ZP3: variants seen among roughly 807,000 people sequenced by gnomAD.
ZP3 encodes the protein zona pellucida glycoprotein 3, also known as zona pellucida sperm-binding protein 3.
Under a neutral mutation model 35.6 loss-of-function variants are expected in ZP3, and 21 were observed. That is an observed-to-expected ratio of 0.59 (90% CI 0.42 to 0.85). The LOEUF (loss-of-function observed/expected upper bound fraction) is 0.85, where lower values mean the gene tolerates loss of function less well. Ranked by LOEUF, ZP3 falls within the 40% of genes least tolerant of loss-of-function variation. The pLI is 0.00. For synonymous variants in ZP3, 207 were observed against 214.5 expected (o/e 0.96, Z 0.31); for missense variants, 437 against 536.5 (o/e 0.81, Z 1.83).
At chr7:76,435,897 G>T (rs1459145770) in intron 5 of ZP3, among the ~76,000 whole-genome samples, 1 of 151,970 alleles carries the variant, frequency 6.6e-6, no homozygotes, top group Admixed American at 6.6e-5. Flanking sequence ...GCTAATCCTT[G>T]TATTTCTTAG....
chr7:76,437,790 C>T (rs1466368057), intron 5 of ZP3, among the ~76,000 whole-genome samples: 2 of 151,952 alleles, frequency 1.3e-5, no homozygotes, highest in Admixed American at 6.6e-5. Context: ...TGAGCCACCA[C>T]GCCCAGCCTA....
intron 1 of ZP3, among the ~76,000 whole-genome samples, chr7:76,405,301 A>ATATATATG (rs1804969882): frequency 2.2e-5 from 1 of 45,294 alleles, no homozygotes; most frequent in South Asian, 9.3e-4. Flanking sequence ...ATATATATAT[A>ATATATATG]TATATATATA....
In ZP3 at chr7:76,411,252, C is replaced by G. The variant is rs974599095; in HGVS notation, c.-67+13455C>G. Among the ~76,000 whole-genome samples, 3 of 151,990 alleles carry G rather than the reference C, an allele frequency of 2.0e-5. No homozygotes were observed. In the East Asian group the frequency reaches 5.8e-4, roughly 29 times the overall value. ...CCAATCAGATTTTTCGGTTCCTAAG[C>G]AAGCTCTCGTCTTTCCCATTAAAGC... On this transcript the variant is annotated intron_variant, in intron 1 of 8. Transcript: ENST00000336517.
intron 1 of ZP3, among the ~76,000 whole-genome samples, chr7:76,402,963 G>A (rs1418322062): frequency 2.6e-5 from 4 of 152,176 alleles, no homozygotes; most frequent in African/African-American, 4.8e-5. Context: ...CACTGCACCC[G>A]GCCTTCATTG....
At chr7:76,405,274 TATATATATATATATATATATA>T (rs1804964687) in intron 1 of ZP3, among the ~76,000 whole-genome samples, 9 of 21,248 alleles carry the variant, frequency 4.2e-4, no homozygotes, top group South Asian at 4.8e-3. Flanking sequence ...CAGCTAATTA[TATATATATATATATATATATA>T]TATATATATA....
intron 2 of ZP3, among the ~76,000 whole-genome samples, chr7:76,430,101 T>C (rs1267551240): frequency 6.6e-6 from 1 of 151,966 alleles, no homozygotes; most frequent in Non-Finnish European, 1.5e-5. Flanking sequence ...TCCCAGCTAC[T>C]TGGGAGGCTG....
At chr7:76,401,694 G>C (rs1804835187) in intron 1 of ZP3, among the ~76,000 whole-genome samples, 1 of 152,170 alleles carries the variant, frequency 6.6e-6, no homozygotes, top group Non-Finnish European at 1.5e-5. Flanking sequence ...TGGGATTATA[G>C]GTGTGAGCCA....
chr7:76,435,696 C>A (rs1248851236), intron 5 of ZP3, among the ~76,000 whole-genome samples: 1 of 151,564 alleles, frequency 6.6e-6, no homozygotes, highest in East Asian at 1.9e-4. Flanking sequence ...ACTCCATGAA[C>A]TTCAGTGTGC....
rs528001072 is a variant in ZP3 at position 76,415,364 on chromosome 7, C to CAAAAAAAAAAAAAAAAAAAAAAAAAAAAA, written c.-66-9673_-66-9672insAAAAAAAAAAAAAAAAAAAAAAAAAAAAA. On this transcript the variant is annotated intron_variant, in intron 1 of 8. Transcript: ENST00000336517. ...CTGGCGATAGAGTGAGACTCCGTCT[C>CAAAAAAAAAAAAAAAAAAAAAAAAAAAAA]AAAAAAAAAAAAAAAGGTCTGGAAT... Among the ~76,000 whole-genome samples, 12 of 63,504 alleles carry CAAAAAAAAAAAAAAAAAAAAAAAAAAAAA rather than the reference C, an allele frequency of 1.9e-4. 1 individual carries two copies. The highest frequency in any genetic ancestry group is 0.011 in the Middle Eastern group (1 of 92). The allele number at this position is 63,504 out of a possible 152,430, so 41.7% of individuals were successfully genotyped here. A position where few individuals can be genotyped will look rare whatever the true frequency, so the allele number is the denominator to read the frequency against.
chr7:76,435,703 G>A (rs1446081364), intron 5 of ZP3, among the ~76,000 whole-genome samples: 1 of 151,580 alleles, frequency 6.6e-6, no homozygotes, highest in Non-Finnish European at 1.5e-5. Context: ...GAACTTCAGT[G>A]TGCACACCAT....
rs1225145036 is a variant in ZP3, at chr7:76,433,947, C to T, written c.714-91C>T. 55 of 736,118 alleles carry T rather than the reference C, an allele frequency of 7.5e-5. No homozygotes were observed. The African/African-American group carries it at 7.8e-4, about 10-fold the overall frequency. The allele number at this position is 736,118 out of a possible 1,614,324, so 45.6% of individuals were successfully genotyped here. A position where few individuals can be genotyped will look rare whatever the true frequency, so the allele number is the denominator to read the frequency against. On this transcript the variant is annotated intron_variant, in intron 4 of 7. Transcript: ENST00000394857. The stretch of plus-strand genomic sequence containing the variant: ...CTCCTGACCTCAAGTGATCCACCCA[C>T]CTTGGCCTCCCAAAGTGCTGGGATT...
At chr7:76,411,095 T>TCCTC (rs1358033514) in intron 1 of ZP3, among the ~76,000 whole-genome samples, 1 of 151,778 alleles carries the variant, frequency 6.6e-6, no homozygotes, top group Non-Finnish European at 1.5e-5. Context: ...CACCTGTCCT[T>TCCTC]CCTCCCTCCC....
chr7:76,399,265 G>A (rs1466263219), intron 1 of ZP3, among the ~76,000 whole-genome samples: 4 of 152,060 alleles, frequency 2.6e-5, no homozygotes, highest in East Asian at 1.9e-4. Flanking sequence ...CACCTGCCTC[G>A]GCTTCCCAAA....
At chr7:76,432,761 G>A (rs1190590970) in intron 2 of ZP3, among the ~76,000 whole-genome samples, 166 bp from the exon 3 acceptor site, 1 of 152,190 alleles carries the variant, frequency 6.6e-6, no homozygotes, top group African/African-American at 2.4e-5. Flanking sequence ...AGGGTGCAGG[G>A]GCAGCCTCAG....
At chr7:76,402,494 T>G (rs1190679764) in intron 1 of ZP3, among the ~76,000 whole-genome samples, 1 of 151,440 alleles carries the variant, frequency 6.6e-6, no homozygotes, top group Non-Finnish European at 1.5e-5. Context: ...ATTTTTTAAT[T>G]TTTTGTAGAG....
intron 1 of ZP3, among the ~76,000 whole-genome samples, chr7:76,411,013 A>AAAAAAAAAAAG (rs1554623386): frequency 5.5e-4 from 72 of 131,112 alleles, no homozygotes; most frequent in Middle Eastern, 4.0e-3. Context: ...AAAAAAAAAA[A>AAAAAAAAAAAG]AAAAGAAAAG....
chr7:76,408,092 G>A (rs2115823088), intron 1 of ZP3, among the ~76,000 whole-genome samples: 1 of 152,302 alleles, frequency 6.6e-6, no homozygotes, highest in Admixed American at 6.5e-5. Flanking sequence ...GTAGGAGGCG[G>A]CGGTAGAGAG....
chr7:76,419,755 CT>C (rs1301493754), intron 1 of ZP3, among the ~76,000 whole-genome samples: 3 of 143,938 alleles, frequency 2.1e-5, no homozygotes, highest in African/African-American at 5.2e-5. Context: ...CTTTTTCTTT[CT>C]TTTTTCCCCC....
chr7:76,439,145 A>AAAAAAC (rs1563705273), intron 5 of ZP3, among the ~76,000 whole-genome samples: 1 of 130,056 alleles, frequency 7.7e-6, no homozygotes, highest in Non-Finnish European at 1.6e-5. Flanking sequence ...AAAAAAAAAA[A>AAAAAAC]AAAAAACCTC....
Sources: allele counts gnomAD v4.1 joint callset (sites outside exome capture counted in the v4.1 genomes callset), GRCh38; gene constraint gnomAD v4.1.1; transcripts MANE v1.5; gene names NCBI Gene and HGNC (gene_info 2026-07-23, HGNC 2026-07-21).